Variants in MANBA observed in about 807,000 individuals in gnomAD.
MANBA encodes beta-mannosidase.
MANBA carries 83 observed loss-of-function variants against 111.1 expected under a neutral mutation model. The observed-to-expected ratio is 0.75, with a 90% confidence interval of 0.63 to 0.90. MANBA has a LOEUF of 0.90. Ranked by LOEUF, MANBA falls within the 40% of genes least tolerant of loss-of-function variation. The pLI is 0.00. For synonymous variants in MANBA, 370 were observed against 378.7 expected (o/e 0.98, Z 0.27); for missense variants, 1,036 against 1,069.0 (o/e 0.97, Z 0.43).
At chr4:102,711,761 G>A (rs1560790358) in intron 5 of MANBA, among the ~76,000 whole-genome samples, 1 of 152,140 alleles carries the variant, frequency 6.6e-6, no homozygotes, top group South Asian at 2.1e-4. Context: ...GTCTTCCACA[G>A]CAACATGGAT....
intron 5 of MANBA, among the ~76,000 whole-genome samples, chr4:102,694,277 C>T: frequency 6.6e-6 from 1 of 152,166 alleles, no homozygotes; most frequent in East Asian, 1.9e-4. Flanking sequence ...ACCAGATATA[C>T]TTAATAACAT....
At chr4:102,715,294 A>C (rs1722275311) in intron 4 of MANBA, among the ~76,000 whole-genome samples, 1 of 152,096 alleles carries the variant, frequency 6.6e-6, no homozygotes, top group Non-Finnish European at 1.5e-5. Context: ...GCCAATAACT[A>C]CAAGTGAGCT....
At chr4:102,708,641 GATA>G (rs1290217546) in intron 5 of MANBA, among the ~76,000 whole-genome samples, 2 of 151,344 alleles carry the variant, frequency 1.3e-5, no homozygotes, top group Non-Finnish European at 2.9e-5. Flanking sequence ...GAAGAAAAGT[GATA>G]ATAATGATCA....
intron 11 of MANBA, among the ~76,000 whole-genome samples, chr4:102,660,089 G>A (rs1382381886): frequency 1.3e-5 from 2 of 152,114 alleles, no homozygotes; most frequent in Non-Finnish European, 2.9e-5. Flanking sequence ...TTCCACCTGT[G>A]TTGTCTTGCC....
At chr4:102,729,253 A>G in intron 1 of MANBA, 1 of 750,054 alleles carries the variant, frequency 1.3e-6, no homozygotes, top group Non-Finnish European at 2.5e-6. Context: ...CATCTCAGAA[A>G]TCTCAGTCTT....
intron 1 of MANBA, among the ~76,000 whole-genome samples, chr4:102,736,947 C>T (rs1345776658): frequency 6.6e-6 from 1 of 152,198 alleles, no homozygotes; most frequent in Non-Finnish European, 1.5e-5. Context: ...CCTCTGGGAA[C>T]CTGAAAATTC....
chr4:102,737,040 G>T (rs1482796278), intron 1 of MANBA, among the ~76,000 whole-genome samples: 1 of 152,130 alleles, frequency 6.6e-6, no homozygotes, highest in Non-Finnish European at 1.5e-5. Flanking sequence ...ACCGAGAAAA[G>T]AAGCACCGGA....
intron 1 of MANBA, among the ~76,000 whole-genome samples, chr4:102,747,218 C>T (rs1018571399): frequency 2.6e-5 from 4 of 151,614 alleles, no homozygotes; most frequent in Admixed American, 2.6e-4. Context: ...ATCACAAGGT[C>T]CCATAACACG....
rs190754671 is a variant in MANBA at position 102,710,645 on chromosome 4, C to A, written c.673+3793G>T. ...ATCAAAATACCAAAGTCACTTTGTA[C>A]AGAAATAGAAAAAAAATCCTACAGT... is the stretch of plus-strand genomic sequence containing the variant. On this transcript the variant is annotated intron_variant, in intron 5 of 16. Coordinates refer to ENST00000647097, the MANE Select transcript of MANBA (RefSeq NM_005908.4). Among the ~76,000 whole-genome samples, 29 of 151,978 alleles carry A rather than the reference C, an allele frequency of 1.9e-4. No homozygotes were observed. The South Asian group carries it at 5.6e-3, about 29-fold the overall frequency.
intron 5 of MANBA, among the ~76,000 whole-genome samples, chr4:102,691,739 C>T (rs535257290): frequency 4.4e-4 from 67 of 152,182 alleles, no homozygotes; most frequent in African/African-American, 1.5e-3. Context: ...AACTCCTGGC[C>T]TCAAGCAATC....
Position 102,760,752 on chromosome 4 carries a change from AC to A in MANBA, c.142del (p.Val48CysfsTer10). On this transcript the variant is annotated frameshift_variant, in exon 1 of 17. Transcript: ENST00000647097. LOFTEE classifies it high-confidence loss of function. The stretch of plus-strand genomic sequence containing the variant: ...GCCCTGCTGGAACAAGGCGCTGTGC[AC>A]GCAGCCAGGGACCGCCCCGGGCAGC... ...LELPGAVPGC[V>X]HSALFQQGLI... 6.5e-7 allele frequency: 1 copy of A among 1,548,062 alleles called. No homozygotes were observed. Among genetic ancestry groups the A allele is most frequent in the Non-Finnish European group, 8.7e-7 (1 of 1,146,038 alleles).
At chr4:102,729,024 G>A in intron 1 of MANBA, 3 of 969,996 alleles carry the variant, frequency 3.1e-6, no homozygotes, top group Non-Finnish European at 5.0e-6. Context: ...TCGATGTCCA[G>A]GGCCAGCTTG....
At position 102,747,160 on chromosome 4, in the gene MANBA, T is replaced by G. The variant is rs539905216; in HGVS notation, c.177+13558A>C. On this transcript the variant is annotated intron_variant, in intron 1 of 16. Transcript: ENST00000647097. Reference sequence around the variant, plus strand: ...CTCTAGAGGGACAGAACTAATGGGATATATATATATATAAAGGGGAGTTTA... The same window carrying G: ...CTCTAGAGGGACAGAACTAATGGGAGATATATATATATAAAGGGGAGTTTA... Among the ~76,000 whole-genome samples the G allele has an allele frequency of 4.3e-4, 65 of 150,010 alleles. 1 individual carries two copies. Among genetic ancestry groups the G allele is most frequent in the African/African-American group, 1.6e-3 (63 of 40,628 alleles).
At chr4:102,683,023 A>G (rs1008529394) in intron 7 of MANBA, 1 of 152,218 alleles carries the variant, frequency 6.6e-6, no homozygotes, top group Admixed American at 6.5e-5. Flanking sequence ...TCCTAATTCC[A>G]TATCTTTGGC....
Position 102,657,913 on chromosome 4 carries a change from A to G in MANBA, c.1486-13T>C, listed in dbSNP as rs778681496. On this transcript the variant is annotated splice_polypyrimidine_tract_variant and intron_variant, in intron 11 of 16. Transcript: ENST00000647097. Reference sequence around the variant, plus strand: ...GACTCTTGTCTCCCTGAGTTCAGAAATAAAATGAATTCAAGGATAATATAT... The same window carrying G: ...GACTCTTGTCTCCCTGAGTTCAGAAGTAAAATGAATTCAAGGATAATATAT... The G allele has an allele frequency of 3.3e-5, 49 of 1,501,388 alleles. No homozygotes were observed. The highest frequency in any genetic ancestry group is 4.5e-5 in the Non-Finnish European group (48 of 1,077,438). 93.0% of individuals were successfully genotyped at this position (1,501,388 alleles called of 1,614,324 possible). A position where few individuals can be genotyped will look rare whatever the true frequency, so the allele number is the denominator to read the frequency against.
In MANBA at chr4:102,650,562, A is replaced by G. The variant is rs1407681666; in HGVS notation, c.1844T>C (p.Phe615Ser). The change falls in exon 13 of 17, where the codon TTT becomes TCT. Residue 615 changes from phenylalanine to serine, a missense_variant. Coordinates refer to ENST00000647097, the MANE Select transcript of MANBA (RefSeq NM_005908.4). Reference protein sequence around the residue: ...LPQSTDPLRTFKDTIYLTQVM... With the variant: ...LPQSTDPLRTSKDTIYLTQVM... Reference sequence around the variant, plus strand: ...CTGAGTAAGGTAGATGGTATCTTTAAATGTGCGTAATGGATCTGTGCTTTG... The same window carrying G: ...CTGAGTAAGGTAGATGGTATCTTTAGATGTGCGTAATGGATCTGTGCTTTG... 1 of 1,613,406 alleles carries G rather than the reference A, an allele frequency of 6.2e-7. No homozygotes were observed. The highest frequency in any genetic ancestry group is 1.3e-5 in the African/African-American group (1 of 75,014).
intron 16 of MANBA, among the ~76,000 whole-genome samples, chr4:102,632,992 A>C (rs1435666217): frequency 6.6e-6 from 1 of 152,214 alleles, no homozygotes; most frequent in African/African-American, 2.4e-5. Flanking sequence ...CTGGTTTCTT[A>C]ATCTGTGCAT....
Position 102,689,452 on chromosome 4 carries a change from TG to T in MANBA, c.960+121del, listed in dbSNP as rs1308446593. 16 of 615,944 alleles carry T rather than the reference TG, an allele frequency of 2.6e-5. No individual in the cohort carries two copies. In the African/African-American group the frequency reaches 2.6e-4, roughly 10 times the overall value. 38.2% of individuals were successfully genotyped at this position (615,944 alleles called of 1,614,324 possible). A position where few individuals can be genotyped will look rare whatever the true frequency, so the allele number is the denominator to read the frequency against. Reference sequence around the variant, plus strand: ...AGCTTTTGAATGCTGTTACTAAAGATGATCTCTGATGGGTGGGGACACAAGA... The same window carrying T: ...AGCTTTTGAATGCTGTTACTAAAGATATCTCTGATGGGTGGGGACACAAGA... On this transcript the variant is annotated intron_variant, in intron 7 of 16. Coordinates refer to ENST00000647097, the MANE Select transcript of MANBA (RefSeq NM_005908.4).
intron 4 of MANBA, among the ~76,000 whole-genome samples, chr4:102,716,882 A>G (rs1430912267): frequency 1.3e-5 from 2 of 152,192 alleles, no homozygotes; most frequent in Admixed American, 1.3e-4. Flanking sequence ...GTACTCACCT[A>G]AGATAGAGAC....
Sources: allele counts gnomAD v4.1 joint callset (sites outside exome capture counted in the v4.1 genomes callset), GRCh38; gene constraint gnomAD v4.1.1; transcripts MANE v1.5; gene names NCBI Gene and HGNC (gene_info 2026-07-23, HGNC 2026-07-21).